The following PITPNM2 variants were observed in gnomAD, a reference collection of about 807,000 sequenced individuals.
PITPNM2 encodes the protein membrane-associated phosphatidylinositol transfer protein 2.
A neutral mutation model predicts 132.2 loss-of-function variants in PITPNM2; 35 were observed. The ratio of observed to expected loss-of-function variants is 0.26; its 90% CI spans 0.20 to 0.35. The LOEUF (loss-of-function observed/expected upper bound fraction) is 0.35. PITPNM2 is among the 10% of genes least tolerant of loss of function. The pLI is 1.00. For synonymous variants in PITPNM2, 738 were observed against 799.2 expected, an observed-to-expected ratio of 0.92 and a Z score of 1.29; for missense variants, 1,332 against 1,912.0, an observed-to-expected ratio of 0.70 and a Z score of 5.66.
chr12:123,011,381 G>A (rs749338315), intron 5 of PITPNM2, among the ~76,000 whole-genome samples: 43 of 152,254 alleles, frequency 2.8e-4, no homozygotes, highest in Non-Finnish European at 5.9e-4. Flanking sequence ...CATGTGAGCC[G>A]GCAAAGACCC....
At chr12:122,988,639 C>T (rs1194180592) in intron 19 of PITPNM2, 85 bp downstream of exon 19, 1 of 1,385,060 alleles carries the variant, frequency 7.2e-7, no homozygotes, top group South Asian at 1.4e-5. Flanking sequence ...AGAGGAGTCC[C>T]CACTGTCCCC....
Position 122,983,519 on chromosome 12 carries a change from CGTT to C in PITPNM2, c.*2505_*2507del, listed in dbSNP as rs890930859. 2 of 152,696 alleles carry C rather than the reference CGTT, an allele frequency of 1.3e-5. No homozygotes were observed. The highest frequency in any genetic ancestry group is 4.1e-4 in the South Asian group (2 of 4,832). 9.5% of individuals were successfully genotyped at this position (152,696 alleles called of 1,614,324 possible). On this transcript the variant is annotated 3_prime_UTR_variant, in exon 26 of 26. Transcript: ENST00000320201. ...TCTTTAATTGGTGTAACAGACATGA[CGTT>C]GTATACAGAGCACACTCAGGCCCAA... is the stretch of plus-strand genomic sequence containing the variant.
At chr12:123,114,243 CTTAAT>C (rs1337559558) in intron 1 of PITPNM2, among the ~76,000 whole-genome samples, 1 of 151,882 alleles carries the variant, frequency 6.6e-6, no homozygotes, top group Admixed American at 6.6e-5. Flanking sequence ...GATAACATCA[CTTAAT>C]TTAAGACAAG....
Position 123,005,587 on chromosome 12 carries a change from A to T in PITPNM2, c.644-39T>A. 1 of 1,588,434 alleles carries T rather than the reference A, an allele frequency of 6.3e-7. No homozygotes were observed. The highest frequency in any genetic ancestry group is 8.6e-7 in the Non-Finnish European group (1 of 1,165,918). On this transcript the variant is annotated intron_variant, in intron 6 of 25. Coordinates refer to ENST00000320201, the MANE Select transcript of PITPNM2 (RefSeq NM_020845.3). This position sits in a 1 kb window ranked among gnomAD's most constrained non-coding sequence, Gnocchi z 6.2. ...GGATCAGAGAGGGAGAGACGAGGGG[A>T]GGGAGGTCAGCGCAGGAGCCTGCAC... is the stretch of plus-strand genomic sequence containing the variant.
intron 6 of PITPNM2, chr12:123,007,451 A>C (rs1484825304): frequency 2.2e-6 from 1 of 455,812 alleles, no homozygotes; most frequent in Admixed American, 2.4e-5. Flanking sequence ...ATCTCAGGGC[A>C]TGTACCCCCG....
At chr12:123,103,355 T>A (rs1016540429) in intron 2 of PITPNM2, among the ~76,000 whole-genome samples, 6 of 152,198 alleles carry the variant, frequency 3.9e-5, no homozygotes, top group African/African-American at 1.4e-4. Flanking sequence ...TGACACTCCA[T>A]GGAGGCTCAG....
chr12:123,135,655 T>C (rs989226124), intron 1 of PITPNM2, among the ~76,000 whole-genome samples: 7 of 152,232 alleles, frequency 4.6e-5, no homozygotes, highest in African/African-American at 1.7e-4. Flanking sequence ...TAACATAATG[T>C]CCTAAACGTT....
chr12:123,040,446 C>T (rs552514041), intron 2 of PITPNM2, among the ~76,000 whole-genome samples: 2 of 152,192 alleles, frequency 1.3e-5, no homozygotes, highest in South Asian at 4.2e-4. Context: ...ACCATTTAAT[C>T]GTATACTTTA....
At chr12:123,113,979 CATA>C (rs2042889066) in intron 1 of PITPNM2, among the ~76,000 whole-genome samples, 1 of 152,204 alleles carries the variant, frequency 6.6e-6, no homozygotes, top group Non-Finnish European at 1.5e-5. Flanking sequence ...CTTCACTTAG[CATA>C]ATGTTTCTGA....
rs778787739 is a variant in PITPNM2, at chr12:123,099,996, C to T, written c.-96+10389G>A. ...GGGGAAGTAAGAATTGCAGGTGACA[C>T]GCGCACAGCCTACTCCGCAGACACC... is the stretch of plus-strand genomic sequence containing the variant. On this transcript the variant is annotated intron_variant, in intron 2 of 25. Coordinates refer to ENST00000320201, the MANE Select transcript of PITPNM2 (RefSeq NM_020845.3). The surrounding 1 kb of genome is among the most constrained non-coding windows in gnomAD (Gnocchi z 4.2). 1.1e-4 allele frequency among the ~76,000 whole-genome samples: 16 copies of T among 152,266 alleles called. No homozygotes were observed. The highest frequency in any genetic ancestry group is 6.8e-3 in the Middle Eastern group (2 of 294).
Position 122,986,064 on chromosome 12 carries a change from C to G in PITPNM2, c.4013G>C (p.Gly1338Ala). ...CGCGGCTGCCCCCGGCTCCAGGCGG[C>G]CAGTCATGGCGCGGCCCCAGCAGCC... Reference protein sequence around the residue: ...AAGCWGRAMTGRLEPGAAAGP... With the variant: ...AAGCWGRAMTARLEPGAAAGP... Residue 1338 changes from glycine to alanine, a missense_variant, in exon 26 of 26, where the codon GGC becomes GCC. Around this residue, in one of 6 missense-constraint regions of PITPNM2, gnomAD observed 163 missense variants for 177.2 expected, o/e 0.92. Coordinates refer to ENST00000320201, the MANE Select transcript of PITPNM2 (RefSeq NM_020845.3). 3 of 1,416,962 alleles carry G rather than the reference C, an allele frequency of 2.1e-6. No homozygotes were observed. Among genetic ancestry groups the G allele is most frequent in the Non-Finnish European group, 2.7e-6 (3 of 1,096,930 alleles). 87.8% of individuals were successfully genotyped at this position (1,416,962 alleles called of 1,614,324 possible).
In PITPNM2 at chr12:122,995,375, C is replaced by A; in HGVS notation, c.2054+14G>T. The A allele has an allele frequency of 6.3e-7, 1 of 1,575,420 alleles. No homozygotes were observed. Among genetic ancestry groups the A allele is most frequent in the Non-Finnish European group, 8.6e-7 (1 of 1,158,410 alleles). On this transcript the variant is annotated intron_variant, in intron 14 of 25. Coordinates refer to ENST00000320201, the MANE Select transcript of PITPNM2 (RefSeq NM_020845.3). ...ACACCCAGAGGCAAGCCCCAGCCCCCCAGCCCTGCCCACCTGGACAGGAAG... is the reference window on the plus strand; with the variant it reads ...ACACCCAGAGGCAAGCCCCAGCCCCACAGCCCTGCCCACCTGGACAGGAAG...
At chr12:123,124,937 A>G (rs2043107840) in intron 1 of PITPNM2, among the ~76,000 whole-genome samples, 1 of 152,128 alleles carries the variant, frequency 6.6e-6, no homozygotes, top group Non-Finnish European at 1.5e-5. Context: ...TATCATGCAT[A>G]GCCTTTTCAA....
chr12:123,052,854 G>T (rs2040907956), intron 2 of PITPNM2, among the ~76,000 whole-genome samples: 1 of 143,516 alleles, frequency 7.0e-6, no homozygotes, highest in African/African-American at 2.6e-5. Flanking sequence ...CTTTGATTTT[G>T]GTAACAGGGT....
In PITPNM2 at chr12:123,005,316, C is replaced by T. The variant is rs199807526; in HGVS notation, c.876G>A (p.Gly292=). The change falls in exon 7 of 26, where the codon GGG becomes GGA. Residue 292 remains glycine, a synonymous_variant. Coordinates refer to ENST00000320201, the MANE Select transcript of PITPNM2 (RefSeq NM_020845.3). This position sits in a 1 kb window ranked among gnomAD's most constrained non-coding sequence, Gnocchi z 6.2. ...TGAGGCCGCGCCCCACTAGGGGCTCCCCATTGCTGCTGCTGGGCTCCGGGG... is the reference window on the plus strand; with the variant it reads ...TGAGGCCGCGCCCCACTAGGGGCTCTCCATTGCTGCTGCTGGGCTCCGGGG... ...GEPPEPSSSN[G]EPLVGRGLKK... 3 of 1,614,042 alleles carry T rather than the reference C, an allele frequency of 1.9e-6. No homozygotes were observed. The African/African-American group carries it at 4.0e-5, about 22-fold the overall frequency.
chr12:122,995,023 C>A, intron 14 of PITPNM2, 44 bp from the exon 15 acceptor site: 1 of 1,514,310 alleles, frequency 6.6e-7, no homozygotes, highest in South Asian at 1.2e-5. Context: ...GGTGCAGCTG[C>A]CATCATCTGC....
intron 1 of PITPNM2, among the ~76,000 whole-genome samples, chr12:123,136,704 T>C (rs2043389403): frequency 6.6e-6 from 1 of 151,932 alleles, no homozygotes; most frequent in Non-Finnish European, 1.5e-5. Flanking sequence ...GACACCATCC[T>C]GGCTAATGCA....
At chr12:123,119,303 T>C (rs1196407193) in intron 1 of PITPNM2, among the ~76,000 whole-genome samples, 1 of 151,834 alleles carries the variant, frequency 6.6e-6, no homozygotes, top group Non-Finnish European at 1.5e-5. Flanking sequence ...GGGACAAGGA[T>C]TAGGTAGCAC....
intron 1 of PITPNM2, among the ~76,000 whole-genome samples, chr12:123,115,961 G>GGCATCCAGGAGC (rs2042929813): frequency 6.6e-6 from 1 of 152,242 alleles, no homozygotes; most frequent in Non-Finnish European, 1.5e-5. Context: ...ATATTCCAGA[G>GGCATCCAGGAGC]GCATCCAGGA....
Sources: allele counts gnomAD v4.1 joint callset (sites outside exome capture counted in the v4.1 genomes callset), GRCh38; gene constraint gnomAD v4.1.1; regional missense constraint gnomAD v4.1.1; non-coding constraint Gnocchi (gnomAD v3.1); transcripts MANE v1.5; gene names NCBI Gene and HGNC (gene_info 2026-07-23, HGNC 2026-07-21).